ICA1: variants seen among roughly 807,000 people sequenced by gnomAD.
ICA1 encodes the protein 69 kDa islet cell autoantigen.
Under a neutral mutation model 71.0 loss-of-function variants are expected in ICA1, and 40 were observed. The observed-to-expected ratio is 0.56, with a 90% CI of 0.44 to 0.73. ICA1 has a LOEUF of 0.73. ICA1 is among the 30% of genes least tolerant of loss of function. The probability of loss-of-function intolerance (pLI) is 0.00; values close to 1 mark genes in which losing one functional copy is unlikely to be tolerated. For synonymous variants in ICA1, 207 were observed against 209.5 expected, an observed-to-expected ratio of 0.99 and a Z score of 0.10; for missense variants, 578 against 576.5, an observed-to-expected ratio of 1.00 and a Z score of -0.03.
intron 6 of ICA1, among the ~76,000 whole-genome samples, chr7:8,201,707 A>T (rs1789763416): frequency 1.3e-5 from 2 of 152,212 alleles, no homozygotes; most frequent in African/African-American, 4.8e-5. Context: ...AAGATCTTCT[A>T]TGTTTTATGG....
At chr7:8,150,862 C>A (rs960313594) in intron 8 of ICA1, among the ~76,000 whole-genome samples, 3 of 152,250 alleles carry the variant, frequency 2.0e-5, no homozygotes, top group African/African-American at 7.2e-5. Context: ...TCCAGAAGTG[C>A]CCCTGGGAAG....
At chr7:8,259,520 G>A (rs144216023) in intron 1 of ICA1, among the ~76,000 whole-genome samples, 3 of 152,292 alleles carry the variant, frequency 2.0e-5, no homozygotes, top group Admixed American at 6.5e-5. Context: ...TTTTAGATAC[G>A]GATAGCATAT....
chr7:8,247,467 A>G (rs1342132269), intron 1 of ICA1, among the ~76,000 whole-genome samples: 1 of 151,430 alleles, frequency 6.6e-6, no homozygotes, highest in African/African-American at 2.4e-5. Context: ...ATCAAAAAAG[A>G]AAAGAAAAAA....
intron 6 of ICA1, among the ~76,000 whole-genome samples, chr7:8,174,755 CAAAA>C (rs1218712832): frequency 3.4e-4 from 28 of 83,480 alleles, no homozygotes; most frequent in African/African-American, 4.4e-4. Flanking sequence ...GACTGTATCT[CAAAA>C]AAAAAAAAAA....
At chr7:8,131,274 T>A (rs1263563048) in intron 12 of ICA1, among the ~76,000 whole-genome samples, 1 of 152,238 alleles carries the variant, frequency 6.6e-6, no homozygotes, top group Admixed American at 6.5e-5. Flanking sequence ...AATCCACAAC[T>A]GAGTGTCCCC....
chr7:8,131,285 A>G (rs1234534721), intron 12 of ICA1, among the ~76,000 whole-genome samples: 1 of 152,244 alleles, frequency 6.6e-6, no homozygotes, highest in Non-Finnish European at 1.5e-5. Flanking sequence ...GAGTGTCCCC[A>G]TTACATGGAT....
intron 5 of ICA1, 132 bp downstream of exon 5, chr7:8,221,143 T>G (rs1423868382): frequency 5.2e-6 from 5 of 957,302 alleles, no homozygotes; most frequent in Admixed American, 4.6e-5. Context: ...GCCTAACTAG[T>G]GAGTACAGAG....
At chr7:8,134,973 CTG>C (rs1306957899) in intron 12 of ICA1, among the ~76,000 whole-genome samples, 1 of 152,010 alleles carries the variant, frequency 6.6e-6, no homozygotes, top group Non-Finnish European at 1.5e-5. Flanking sequence ...AGTAATCTTA[CTG>C]AAAAACATAA....
intron 5 of ICA1, 170 bp from the exon 6 acceptor site, chr7:8,218,673 T>G (rs1407590714): frequency 4.7e-6 from 3 of 636,656 alleles, no homozygotes; most frequent in African/African-American, 1.8e-5. Context: ...TCCAACTGAT[T>G]AGTCAGCCAG....
At chr7:8,252,533 T>C (rs1216257123) in intron 1 of ICA1, among the ~76,000 whole-genome samples, 1 of 152,128 alleles carries the variant, frequency 6.6e-6, no homozygotes, top group East Asian at 1.9e-4. Flanking sequence ...CCACATGTAA[T>C]ATGAGCACTT....
Position 8,196,740 on chromosome 7 carries a change from G to A in ICA1, c.579+21565C>T, listed in dbSNP as rs572044269. Among the ~76,000 whole-genome samples, 19 of 152,220 alleles carry A rather than the reference G, an allele frequency of 1.2e-4. No individual in the cohort carries two copies. In the East Asian group the frequency reaches 3.7e-3, roughly 29 times the overall value. On this transcript the variant is annotated intron_variant, in intron 6 of 13. Transcript: ENST00000402384. ...TACATATAATATATAATATATTGATGTGGTTTGGCTGCATTCCCACACAAA... is the reference window on the plus strand; with the variant it reads ...TACATATAATATATAATATATTGATATGGTTTGGCTGCATTCCCACACAAA...
chr7:8,241,328 G>A (rs1803792256), intron 1 of ICA1, among the ~76,000 whole-genome samples: 1 of 152,162 alleles, frequency 6.6e-6, no homozygotes, highest in Non-Finnish European at 1.5e-5. Context: ...CTTCATAAGT[G>A]AAGGAGAAAT....
intron 6 of ICA1, among the ~76,000 whole-genome samples, chr7:8,217,997 A>C (rs1795913013): frequency 6.6e-6 from 1 of 152,192 alleles, no homozygotes; most frequent in Non-Finnish European, 1.5e-5. Flanking sequence ...TCTAATCTTG[A>C]TTTTTAGTTA....
At chr7:8,118,180 A>G (rs933265002) in intron 13 of ICA1, among the ~76,000 whole-genome samples, 2 of 152,238 alleles carry the variant, frequency 1.3e-5, no homozygotes, top group African/African-American at 2.4e-5. Context: ...ATTTCATTTT[A>G]GGCAAATGGC....
chr7:8,199,721 A>C (rs1245431939), intron 6 of ICA1, among the ~76,000 whole-genome samples: 3 of 152,138 alleles, frequency 2.0e-5, no homozygotes, highest in Non-Finnish European at 4.4e-5. Flanking sequence ...TCAAAACAAA[A>C]ACAAAAAACA....
In ICA1 at chr7:8,144,307, A is replaced by T. The variant is rs1217345827; in HGVS notation, c.805-335T>A. 6.6e-6 allele frequency among the ~76,000 whole-genome samples: 1 copy of T among 152,238 alleles called. No homozygotes were observed. The highest frequency in any genetic ancestry group is 2.1e-4 in the South Asian group (1 of 4,824). On this transcript the variant is annotated intron_variant, in intron 8 of 13. Transcript: ENST00000402384. The surrounding 1 kb of genome is among the most constrained non-coding windows in gnomAD (Gnocchi z 4.5). ...GCTAACTTTATTTTTCAACTTCAACATGTAGTTAAGATAAACATTCTGTTC... is the reference window on the plus strand; with the variant it reads ...GCTAACTTTATTTTTCAACTTCAACTTGTAGTTAAGATAAACATTCTGTTC...
rs923707567 is a variant in ICA1, at chr7:8,139,138, C to T, written c.956-91G>A. ...GCAGTGTAAGGTAAATGCACGGCTT[C>T]AGGAAGAAATGGGATCCACAAACTC... On this transcript the variant is annotated intron_variant, in intron 10 of 13. Transcript: ENST00000402384. 4 of 1,015,464 alleles carry T rather than the reference C, an allele frequency of 3.9e-6. No homozygotes were observed. In the African/African-American group the frequency reaches 6.3e-5, roughly 16 times the overall value. 62.9% of individuals were successfully genotyped at this position (1,015,464 alleles called of 1,614,324 possible).
intron 6 of ICA1, among the ~76,000 whole-genome samples, chr7:8,211,727 A>G (rs894004847): frequency 6.6e-6 from 1 of 152,176 alleles, no homozygotes; most frequent in African/African-American, 2.4e-5. Context: ...TTAAAACCTC[A>G]CACTTTCTTA....
intron 8 of ICA1, among the ~76,000 whole-genome samples, chr7:8,154,406 T>A (rs527596117): frequency 6.6e-6 from 1 of 152,148 alleles, no homozygotes; most frequent in Non-Finnish European, 1.5e-5. Flanking sequence ...TCATCCTTCA[T>A]CAAGCATAAA....
Sources: allele counts gnomAD v4.1 joint callset (sites outside exome capture counted in the v4.1 genomes callset), GRCh38; gene constraint gnomAD v4.1.1; non-coding constraint Gnocchi (gnomAD v3.1); transcripts MANE v1.5; gene names NCBI Gene and HGNC (gene_info 2026-07-23, HGNC 2026-07-21).